Variants in LAMA5 observed in about 807,000 individuals in gnomAD.
LAMA5 encodes the protein laminin subunit alpha 5.
LAMA5 carries 260 observed loss-of-function variants against 433.4 expected under a neutral mutation model. The observed-to-expected ratio is 0.60, with a 90% CI of 0.54 to 0.66. LAMA5 has a LOEUF of 0.66. Among genes scored for constraint, LAMA5 ranks in the 30% least tolerant of loss-of-function variants. LAMA5 has a pLI of 0.00. For missense variants in LAMA5, 5,378 were observed against 5,258.5 expected, an observed-to-expected ratio of 1.02 and a Z score of -0.70; for synonymous variants, 2,620 against 2,226.6, an observed-to-expected ratio of 1.18 and a Z score of -4.97.
At chr20:62,362,658 G>T in intron 1 of LAMA5, 106 bp from the exon 2 acceptor site, 1 of 1,033,604 alleles carries the variant, frequency 9.7e-7, no homozygotes, top group Non-Finnish European at 1.3e-6. Flanking sequence ...CACTGAGCTG[G>T]TTCCACGCCC....
chr20:62,350,596 C>T (rs1052072886), intron 6 of LAMA5, among the ~76,000 whole-genome samples: 10 of 152,168 alleles, frequency 6.6e-5, no homozygotes, highest in Non-Finnish European at 1.5e-4. Context: ...CAAATCCAAG[C>T]GCATGAAAGT....
rs1426701899 is a variant in LAMA5 at position 62,320,664 on chromosome 20, C to G, written c.6654G>C (p.Gln2218His). 2 of 1,609,580 alleles carry G rather than the reference C, an allele frequency of 1.2e-6. No individual in the cohort carries two copies. Among genetic ancestry groups the G allele is most frequent in the Non-Finnish European group, 1.7e-6 (2 of 1,178,714 alleles). Reference sequence around the variant, plus strand: ...GGCGGGGGCCCAGGGGGCTCCGGAGCTGGCTCTGTGGGAGGCGAAAGGTGA... The same window carrying G: ...GGCGGGGGCCCAGGGGGCTCCGGAGGTGGCTCTGTGGGAGGCGAAAGGTGA... ...LNASIADLQS[Q>H]LRSPLGPRHE... The change falls in exon 50 of 80, where the codon CAG becomes CAC. Residue 2218 changes from glutamine (Q) to histidine (H), a missense_variant. By Grantham distance (24) the Gln-to-His change is conservative (BLOSUM62 0). Transcript: ENST00000252999.
chr20:62,362,319 T>C (rs1356385030), intron 2 of LAMA5, 81 bp downstream of exon 2: 2 of 1,327,522 alleles, frequency 1.5e-6, no homozygotes, highest in Non-Finnish European at 2.0e-6. Flanking sequence ...AGACCTCGCC[T>C]TCTGGTCCTG....
At chr20:62,315,794 T>TCC (rs1258436681) in intron 58 of LAMA5, among the ~76,000 whole-genome samples, 154 bp downstream of exon 58, 4 of 152,180 alleles carry the variant, frequency 2.6e-5, no homozygotes, top group Non-Finnish European at 5.9e-5. Flanking sequence ...CCCTGGCACC[T>TCC]CCCTGGTAGG....
intron 1 of LAMA5, among the ~76,000 whole-genome samples, chr20:62,364,932 T>G (rs1986554263): frequency 6.6e-6 from 1 of 152,238 alleles, no homozygotes; most frequent in Non-Finnish European, 1.5e-5. Context: ...GCACCTCCTG[T>G]GCCTGCCTGC....
Position 62,317,769 on chromosome 20 carries a change from G to A in LAMA5, c.7249C>T (p.Gln2417Ter). The change falls in exon 54 of 80, where the codon CAG becomes TAG. Residue 2417 changes from glutamine to a stop codon, truncating the protein, a stop_gained. Transcript: ENST00000252999. LOFTEE classifies it high-confidence loss of function. ...GTGGCATTGTCCCGGGACAGCTCCT[G>A]CTTCCTTTGCTGAAGGCAATGCAGG... ...ERLEEALQRK[Q>*]ELSRDNATLQ... The A allele has an allele frequency of 6.3e-7, 1 of 1,597,164 alleles. No individual in the cohort carries two copies. The highest frequency in any genetic ancestry group is 8.5e-7 in the Non-Finnish European group (1 of 1,172,548).
Position 62,322,650 on chromosome 20 carries a change from A to G in LAMA5, c.6165+8T>C, listed in dbSNP as rs762713370. ...ACCCACCCAGCCCTGCTTACCCCAC[A>G]GCCCTACCTGGCAGCGGTCACAGCG... On this transcript the variant is annotated splice_region_variant and intron_variant, in intron 46 of 79. Coordinates refer to ENST00000252999, the MANE Select transcript of LAMA5 (RefSeq NM_005560.6). The G allele has an allele frequency of 8.4e-6, 12 of 1,421,838 alleles. No individual in the cohort carries two copies. The South Asian group carries it at 1.5e-4, about 17-fold the overall frequency. The allele number at this position is 1,421,838 out of a possible 1,614,324, so 88.1% of individuals were successfully genotyped here.
rs772704319 is a variant in LAMA5, at chr20:62,322,394, G to A, written c.6221C>T (p.Pro2074Leu). The change falls in exon 47 of 80, where the codon CCG becomes CTG. Residue 2074 changes from proline to leucine, a missense_variant. Coordinates refer to ENST00000252999, the MANE Select transcript of LAMA5 (RefSeq NM_005560.6). ...CGGCRPCACG[P>L]AAEGSECHPQ... The stretch of plus-strand genomic sequence containing the variant: ...GTGGCACTCGGAGCCCTCGGCGGCC[G>A]GTCCACAAGCACACGGGCGGCAGCC... 1.7e-4 allele frequency: 266 copies of A among 1,593,250 alleles called. No individual in the cohort carries two copies. The highest frequency in any genetic ancestry group is 2.3e-4 in the African/African-American group (17 of 74,476).
intron 11 of LAMA5, among the ~76,000 whole-genome samples, chr20:62,342,570 T>C (rs1353020142): frequency 6.6e-6 from 1 of 151,740 alleles, no homozygotes; most frequent in Non-Finnish European, 1.5e-5. Context: ...TCCCAGCTAC[T>C]CAGGAGGCTG....
chr20:62,355,754 C>G (rs1033910848), intron 2 of LAMA5, among the ~76,000 whole-genome samples: 14 of 141,306 alleles, frequency 9.9e-5, no homozygotes, highest in African/African-American at 3.8e-4. Context: ...CAGCAGCCCC[C>G]TGTGGGCCTG....
In LAMA5 at chr20:62,310,257, A is replaced by G; in HGVS notation, c.10655T>C (p.Leu3552Pro). Reference sequence around the variant, plus strand: ...GTGGAAGATCAGTCCGGTGACTGCCAGGGGCCGCACCTCCAGTTCCAGGCC... The same window carrying G: ...GTGGAAGATCAGTCCGGTGACTGCCGGGGGCCGCACCTCCAGTTCCAGGCC... ...DVGLELEVRP[L>P]AVTGLIFHLG... Residue 3552 changes from leucine to proline, a missense_variant, in exon 77 of 80, where the codon CTG becomes CCG. Transcript: ENST00000252999. The G allele has an allele frequency of 1.2e-6, 2 of 1,612,188 alleles. No individual in the cohort carries two copies. The highest frequency in any genetic ancestry group is 1.7e-6 in the Non-Finnish European group (2 of 1,179,748).
intron 57 of LAMA5, chr20:62,316,294 G>A (rs1386014409): frequency 5.2e-6 from 3 of 579,670 alleles, no homozygotes; most frequent in Non-Finnish European, 9.3e-6. Flanking sequence ...TTGTACAGAT[G>A]AAACAATAGA....
chr20:62,317,107 C>T, intron 55 of LAMA5, 84 bp from the exon 56 acceptor site: 1 of 1,416,090 alleles, frequency 7.1e-7, no homozygotes, highest in Non-Finnish European at 9.3e-7. Flanking sequence ...TCACAACCAG[C>T]CGTGCCCGTG....
In LAMA5 at chr20:62,316,663, G is replaced by A. The variant is rs1237964612; in HGVS notation, c.7756+8C>T. 4 of 1,571,532 alleles carry A rather than the reference G, an allele frequency of 2.5e-6. No homozygotes were observed. The highest frequency in any genetic ancestry group is 4.6e-5 in the East Asian group (2 of 43,828). Reference sequence around the variant, plus strand: ...GCCTAAGGGCCCCCATCGGAGCCCAGCACTCACCAAGGCCCAGCCTCTGCT... The same window carrying A: ...GCCTAAGGGCCCCCATCGGAGCCCAACACTCACCAAGGCCCAGCCTCTGCT... On this transcript the variant is annotated splice_region_variant and intron_variant, in intron 57 of 79. Coordinates refer to ENST00000252999, the MANE Select transcript of LAMA5 (RefSeq NM_005560.6).
At chr20:62,341,637 A>G (rs1982598359) in intron 11 of LAMA5, among the ~76,000 whole-genome samples, 3 of 152,212 alleles carry the variant, frequency 2.0e-5, no homozygotes. Context: ...ACTAAAAATA[A>G]TAACTCAAGA....
Position 62,359,244 on chromosome 20 carries a change from G to GC in LAMA5, c.450+3155dup, listed in dbSNP as rs1321618874. Among the ~76,000 whole-genome samples the GC allele has an allele frequency of 2.0e-5, 3 of 152,216 alleles. No individual in the cohort carries two copies. Among genetic ancestry groups the GC allele is most frequent in the Admixed American group, 2.0e-4 (3 of 15,302 alleles). On this transcript the variant is annotated intron_variant, in intron 2 of 79. Transcript: ENST00000252999. This position sits in a 1 kb window ranked among gnomAD's most constrained non-coding sequence, Gnocchi z 4.3. Reference sequence around the variant, plus strand: ...GCCCTCCTCTGCTGGGGAGAGCCCCGCCCCCACGGTCAGGCCACCCAGGGG... The same window carrying GC: ...GCCCTCCTCTGCTGGGGAGAGCCCCGCCCCCCACGGTCAGGCCACCCAGGGG...
At chr20:62,363,342 C>T (rs537767429) in intron 1 of LAMA5, among the ~76,000 whole-genome samples, 4 of 152,280 alleles carry the variant, frequency 2.6e-5, no homozygotes, top group East Asian at 1.9e-4. Context: ...ATGTCCCCAT[C>T]CAAAGAGTGG....
chr20:62,351,692 ATGGGGCCT>A lies in LAMA5; in HGVS notation c.956+4_956+11del, dbSNP rs1330848228. ...CTCACCTGAACGGGGCCTCACCTGA[ATGGGGCCT>A]CACCTGAACGGGTCCGTGGGGTCTT... On this transcript the variant is annotated splice_donor_5th_base_variant and intron_variant, in intron 6 of 79. Transcript: ENST00000252999. 3.8e-6 allele frequency: 6 copies of A among 1,595,658 alleles called. No homozygotes were observed. In the African/African-American group the frequency reaches 4.2e-5, roughly 11 times the overall value.
rs567164624 is a variant in LAMA5, at chr20:62,313,451, G to A, written c.8668C>T (p.Leu2890=). 2.6e-5 allele frequency: 41 copies of A among 1,607,246 alleles called. No homozygotes were observed. In the African/African-American group the frequency reaches 4.9e-4, roughly 19 times the overall value. The part of the protein sequence containing the change: ...GYPSTFTPPP[L]LRFPGYRGCI... ...CCCCGGTAGCCGGGGAAGCGAAGCA[G>A]GGGAGGGGGCTGTGGGCACAGGGCT... Residue 2890 remains leucine, a synonymous_variant, in exon 64 of 80, where the codon CTG becomes TTG. Coordinates refer to ENST00000252999, the MANE Select transcript of LAMA5 (RefSeq NM_005560.6).
Sources: allele counts gnomAD v4.1 joint callset (sites outside exome capture counted in the v4.1 genomes callset), GRCh38; gene constraint gnomAD v4.1.1; non-coding constraint Gnocchi (gnomAD v3.1); transcripts MANE v1.5; gene names NCBI Gene and HGNC (gene_info 2026-07-23, HGNC 2026-07-21).